The following SUCLG2 variants were observed in gnomAD, a reference collection of about 807,000 sequenced individuals.
SUCLG2 encodes the protein succinate--CoA ligase [GDP-forming] subunit beta, mitochondrial.
A neutral mutation model predicts 47.9 loss-of-function variants in SUCLG2; 42 were observed. The ratio of observed to expected loss-of-function variants is 0.88; its 90% CI spans 0.69 to 1.14. SUCLG2 has a LOEUF of 1.14. SUCLG2 is among the 50% of genes most tolerant of loss of function. The probability of loss-of-function intolerance (pLI) is 0.00; values close to 1 mark genes in which losing one functional copy is unlikely to be tolerated. For synonymous variants in SUCLG2, 195 were observed against 197.3 expected (o/e 0.99, Z 0.10); for missense variants, 571 against 525.9 (o/e 1.09, Z -0.84).
intron 1 of SUCLG2, among the ~76,000 whole-genome samples, chr3:67,629,034 T>C (rs1307873336): frequency 1.3e-5 from 2 of 152,324 alleles, no homozygotes; most frequent in East Asian, 3.9e-4. Context: ...TTCACATTTC[T>C]TCTCTGAAAC....
intron 9 of SUCLG2, among the ~76,000 whole-genome samples, chr3:67,420,189 G>A (rs1203216814): frequency 6.6e-6 from 1 of 152,152 alleles, no homozygotes; most frequent in East Asian, 1.9e-4. Context: ...ATTGAATTGA[G>A]TCTGAAGTGA....
rs546400963 is a variant in SUCLG2, at chr3:67,435,601, T to C, written c.1063-34750A>G. Among the ~76,000 whole-genome samples, 7 of 152,274 alleles carry C rather than the reference T, an allele frequency of 4.6e-5. No individual in the cohort carries two copies. The East Asian group carries it at 1.4e-3, about 29-fold the overall frequency. ...TCTTATGGATTAAAAAGAATACACATTATCTAAGCCCAATGTTATGTCCAC... is the reference window on the plus strand; with the variant it reads ...TCTTATGGATTAAAAAGAATACACACTATCTAAGCCCAATGTTATGTCCAC... On this transcript the variant is annotated intron_variant, in intron 9 of 10. Coordinates refer to ENST00000307227, the MANE Select transcript of SUCLG2 (RefSeq NM_003848.4).
intron 7 of SUCLG2, 69 bp downstream of exon 7, chr3:67,508,738 T>C (rs1269326052): frequency 2.7e-5 from 33 of 1,209,702 alleles, no homozygotes; most frequent in Non-Finnish European, 2.3e-6. Context: ...CAGTCTTTTG[T>C]GCAATTTATA....
intron 7 of SUCLG2, among the ~76,000 whole-genome samples, chr3:67,506,742 A>T (rs1347497148): frequency 6.6e-6 from 1 of 152,242 alleles, no homozygotes; most frequent in African/African-American, 2.4e-5. Flanking sequence ...TGAAAAAGCA[A>T]TATATGACCT....
intron 1 of SUCLG2, among the ~76,000 whole-genome samples, chr3:67,644,204 A>AAATAGCAG (rs1701152691): frequency 6.6e-6 from 1 of 152,220 alleles, no homozygotes; most frequent in Non-Finnish European, 1.5e-5. Context: ...AGCATTATTC[A>AAATAGCAG]CATAGCCAAA....
intron 5 of SUCLG2, 73 bp from the exon 6 acceptor site, chr3:67,518,409 C>A: frequency 1.4e-6 from 2 of 1,411,698 alleles, no homozygotes; most frequent in South Asian, 1.2e-5. Context: ...AAAGAAAATG[C>A]TTAGTATTTA....
At chr3:67,511,843 G>A (rs186444940) in intron 6 of SUCLG2, among the ~76,000 whole-genome samples, 32 of 144,918 alleles carry the variant, frequency 2.2e-4, no homozygotes, top group Non-Finnish European at 3.1e-4. Context: ...GTGAGTGTGC[G>A]TGTGTGGGGG....
At chr3:67,638,429 T>C (rs566501849) in intron 1 of SUCLG2, among the ~76,000 whole-genome samples, 10 of 152,264 alleles carry the variant, frequency 6.6e-5, no homozygotes, top group African/African-American at 2.4e-4. Flanking sequence ...CACCTCCTAG[T>C]TGACAGTGTG....
intron 10 of SUCLG2, among the ~76,000 whole-genome samples, chr3:67,361,658 T>A (rs1264556303): frequency 6.6e-6 from 1 of 152,218 alleles, no homozygotes; most frequent in Admixed American, 6.5e-5. Flanking sequence ...TATTATTAGA[T>A]AGATTGCATT....
rs112395905 is a variant in SUCLG2 at position 67,621,642 on chromosome 3, T to C, written c.85-12046A>G. Reference sequence around the variant, plus strand: ...GGATTAATGGGTTAATGGATTATCATGGGAGTGAAATCGGTGGCTTTCTAA... The same window carrying C: ...GGATTAATGGGTTAATGGATTATCACGGGAGTGAAATCGGTGGCTTTCTAA... On this transcript the variant is annotated intron_variant, in intron 1 of 10. Coordinates refer to ENST00000307227, the MANE Select transcript of SUCLG2 (RefSeq NM_003848.4). 3.8e-3 allele frequency among the ~76,000 whole-genome samples: 573 copies of C among 152,234 alleles called. 2 individuals carry two copies. Among genetic ancestry groups the C allele is most frequent in the Non-Finnish European group, 6.4e-3 (437 of 68,024 alleles).
chr3:67,512,985 T>C (rs1270469373), intron 6 of SUCLG2, among the ~76,000 whole-genome samples: 1 of 150,714 alleles, frequency 6.6e-6, no homozygotes, highest in Non-Finnish European at 1.5e-5. Flanking sequence ...ATAATACGTA[T>C]AGATATATAT....
At chr3:67,462,400 TCTACTAG>T (rs1704358989) in intron 9 of SUCLG2, among the ~76,000 whole-genome samples, 1 of 152,126 alleles carries the variant, frequency 6.6e-6, no homozygotes, top group African/African-American at 2.4e-5. Context: ...TCCCACTCAG[TCTACTAG>T]CATTAGATCA....
At chr3:67,644,356 T>C (rs181895405) in intron 1 of SUCLG2, among the ~76,000 whole-genome samples, 1 of 152,304 alleles carries the variant, frequency 6.6e-6, no homozygotes, top group African/African-American at 2.4e-5. Context: ...GAAGACATTA[T>C]GCTAAATGAA....
intron 9 of SUCLG2, among the ~76,000 whole-genome samples, chr3:67,484,953 G>A (rs1026669482): frequency 6.6e-6 from 1 of 152,170 alleles, no homozygotes; most frequent in African/African-American, 2.4e-5. Flanking sequence ...GCAAGAAAGA[G>A]AATGGAAAAA....
At chr3:67,631,819 T>C (rs1237172487) in intron 1 of SUCLG2, among the ~76,000 whole-genome samples, 2 of 152,194 alleles carry the variant, frequency 1.3e-5, no homozygotes, top group Non-Finnish European at 2.9e-5. Context: ...ACCAATGCAT[T>C]TCCCATGCCT....
intron 1 of SUCLG2, among the ~76,000 whole-genome samples, chr3:67,614,896 T>C (rs1700596897): frequency 6.6e-6 from 1 of 152,146 alleles, no homozygotes; most frequent in African/African-American, 2.4e-5. Context: ...CACATGGATT[T>C]TGGCAAAGTG....
At chr3:67,364,348 C>T (rs1387864876) in intron 10 of SUCLG2, among the ~76,000 whole-genome samples, 2 of 152,122 alleles carry the variant, frequency 1.3e-5, no homozygotes, top group African/African-American at 4.8e-5. Flanking sequence ...TCCACCCCTG[C>T]TCAGCGGTAA....
intron 9 of SUCLG2, among the ~76,000 whole-genome samples, chr3:67,438,536 G>A (rs933282463): frequency 7.3e-5 from 11 of 151,594 alleles, no homozygotes; most frequent in Non-Finnish European, 1.3e-4. Context: ...TAGACACAAT[G>A]AAAAATGATA....
intron 9 of SUCLG2, among the ~76,000 whole-genome samples, chr3:67,485,932 G>GT (rs1185389254): frequency 2.0e-5 from 3 of 152,308 alleles, no homozygotes; most frequent in East Asian, 1.9e-4. Context: ...GATAAGAAAA[G>GT]TTTTTTACTT....
Sources: gnomAD v4.1 joint callset for allele counts (sites outside exome capture counted in the v4.1 genomes callset) on GRCh38, gnomAD v4.1.1 for gene constraint, MANE v1.5 for transcripts, NCBI Gene and HGNC (gene_info 2026-07-23, HGNC 2026-07-21) for gene names.